Variants in EBF3 observed in about 807,000 individuals in gnomAD.
EBF3 encodes EBF transcription factor 3, also known as transcription factor COE3.
EBF3 carries 18 observed loss-of-function variants against 77.1 expected under a neutral mutation model. The observed-to-expected ratio is 0.23, with a 90% CI of 0.16 to 0.35. The LOEUF (loss-of-function observed/expected upper bound fraction) is 0.35, where lower values mean the gene tolerates loss of function less well. EBF3 is among the 10% of genes least tolerant of loss of function. The pLI is 1.00. For missense variants in EBF3, 558 were observed against 860.0 expected, an observed-to-expected ratio of 0.65 and a Z score of 4.39; for synonymous variants, 350 against 343.5, an observed-to-expected ratio of 1.02 and a Z score of -0.21.
intron 6 of EBF3, among the ~76,000 whole-genome samples, chr10:129,950,940 G>C (rs1858630112): frequency 6.6e-6 from 1 of 152,180 alleles, no homozygotes; most frequent in Non-Finnish European, 1.5e-5. Context: ...ATCACTTCCT[G>C]TCTGCAATGA....
intron 6 of EBF3, among the ~76,000 whole-genome samples, chr10:129,904,922 G>A (rs961769676): frequency 6.6e-6 from 1 of 152,228 alleles, no homozygotes; most frequent in Non-Finnish European, 1.5e-5. Flanking sequence ...GTAGGAAACA[G>A]ACACAAAATT....
At chr10:129,844,530 G>C (rs1268805891) in intron 11 of EBF3, among the ~76,000 whole-genome samples, 1 of 152,128 alleles carries the variant, frequency 6.6e-6, no homozygotes, top group Non-Finnish European at 1.5e-5. Context: ...AGAAGGCAAC[G>C]ACTGCCTTCC....
chr10:129,872,833 G>A (rs1852495136), intron 8 of EBF3, among the ~76,000 whole-genome samples: 1 of 152,112 alleles, frequency 6.6e-6, no homozygotes, highest in Non-Finnish European at 1.5e-5. Flanking sequence ...TCTGCATTCC[G>A]ACCTGATATC....
At chr10:129,902,593 C>T (rs1369516014) in intron 6 of EBF3, among the ~76,000 whole-genome samples, 1 of 152,156 alleles carries the variant, frequency 6.6e-6, no homozygotes, top group East Asian at 1.9e-4. Context: ...TTGCGTTTTT[C>T]AGTAACCACC....
chr10:129,858,944 G>T (rs1254466371), intron 10 of EBF3, among the ~76,000 whole-genome samples: 1 of 152,198 alleles, frequency 6.6e-6, no homozygotes, highest in African/African-American at 2.4e-5. Flanking sequence ...CACCAATGCT[G>T]ACCAAAATCT....
intron 6 of EBF3, among the ~76,000 whole-genome samples, chr10:129,886,452 C>T (rs941549395): frequency 6.6e-6 from 1 of 152,180 alleles, no homozygotes; most frequent in Non-Finnish European, 1.5e-5. Flanking sequence ...ATCCATTACT[C>T]GGAACAGCAC....
rs189655495 is a variant in EBF3, at chr10:129,893,242, A to G, written c.555-15393T>C. On this transcript the variant is annotated intron_variant, in intron 6 of 16. Coordinates refer to ENST00000440978, the MANE Select transcript of EBF3 (RefSeq NM_001375380.1). Reference sequence around the variant, plus strand: ...GAGTAAATAAAGATTGGCATTCACTATACTCCACTTGACAAGCCCCAGCCT... The same window carrying G: ...GAGTAAATAAAGATTGGCATTCACTGTACTCCACTTGACAAGCCCCAGCCT... Among the ~76,000 whole-genome samples, 568 of 152,350 alleles carry G rather than the reference A, an allele frequency of 3.7e-3. 14 individuals are homozygous for G. Among genetic ancestry groups the G allele is most frequent in the Admixed American group, 0.033 (500 of 15,308 alleles).
At chr10:129,939,733 G>A (rs1857600506) in intron 6 of EBF3, among the ~76,000 whole-genome samples, 1 of 152,194 alleles carries the variant, frequency 6.6e-6, no homozygotes, top group African/African-American at 2.4e-5. Context: ...GAATTCCCAC[G>A]TGGAACCAGA....
At chr10:129,954,139 C>T (rs1858869241) in intron 6 of EBF3, among the ~76,000 whole-genome samples, 1 of 152,194 alleles carries the variant, frequency 6.6e-6, no homozygotes, top group African/African-American at 2.4e-5. Context: ...TCTTCCTTTA[C>T]TTGCATTTGG....
At chr10:129,882,245 A>G (rs1233060123) in intron 6 of EBF3, among the ~76,000 whole-genome samples, 1 of 152,222 alleles carries the variant, frequency 6.6e-6, no homozygotes, top group Non-Finnish European at 1.5e-5. Flanking sequence ...TACATTATGA[A>G]CTGTTTAAAT....
At chr10:129,891,828 G>C (rs896429483) in intron 6 of EBF3, among the ~76,000 whole-genome samples, 2 of 152,200 alleles carry the variant, frequency 1.3e-5, no homozygotes, top group Non-Finnish European at 2.9e-5. Context: ...CGGCGTCTCT[G>C]AGGCCCTGGT....
At position 129,840,857 on chromosome 10, in the gene EBF3, G is replaced by A. The variant is rs1328163811; in HGVS notation, c.1548C>T (p.Asn516=). ...SPGFLNGSSA[N]SPYGIVPSSP... ...ACAGACACTTACTGCCGTAGGGAGAGTTAGCGGAGGAGCCATTAAGAAATC... is the reference window on the plus strand; with the variant it reads ...ACAGACACTTACTGCCGTAGGGAGAATTAGCGGAGGAGCCATTAAGAAATC... Residue 516 remains asparagine (N), a synonymous_variant, in exon 14 of 17, where the codon AAC becomes AAT. Coordinates refer to ENST00000440978, the MANE Select transcript of EBF3 (RefSeq NM_001375380.1). 5 of 1,613,586 alleles carry A rather than the reference G, an allele frequency of 3.1e-6. No individual in the cohort carries two copies. In the Admixed American group the frequency reaches 8.3e-5, roughly 27 times the overall value.
At chr10:129,838,268 C>CACACTGACCGGT (rs1294854305) in intron 16 of EBF3, among the ~76,000 whole-genome samples, 1 of 152,270 alleles carries the variant, frequency 6.6e-6, no homozygotes, top group Non-Finnish European at 1.5e-5. Context: ...GCAGCTTCCC[C>CACACTGACCGGT]ACACTGACCG....
intron 6 of EBF3, among the ~76,000 whole-genome samples, chr10:129,930,417 C>A (rs190987242): frequency 2.9e-5 from 4 of 138,680 alleles, no homozygotes; most frequent in African/African-American, 1.1e-4. Context: ...TATCTCTATA[C>A]TAACAAATCC....
At chr10:129,888,876 T>C (rs1282767217) in intron 6 of EBF3, among the ~76,000 whole-genome samples, 1 of 151,884 alleles carries the variant, frequency 6.6e-6, no homozygotes, top group Non-Finnish European at 1.5e-5. Context: ...GATTCTGCAA[T>C]TACAAAAAAA....
chr10:129,895,492 C>T (rs1048600480), intron 6 of EBF3, among the ~76,000 whole-genome samples: 4 of 152,210 alleles, frequency 2.6e-5, no homozygotes, highest in African/African-American at 4.8e-5. Flanking sequence ...GCTTCTCCTC[C>T]GAGTATGGGT....
In EBF3 at chr10:129,938,772, G is replaced by T. The variant is rs964104739; in HGVS notation, c.554+18486C>A. 6.6e-6 allele frequency among the ~76,000 whole-genome samples: 1 copy of T among 152,090 alleles called. No individual in the cohort carries two copies. The stretch of plus-strand genomic sequence containing the variant: ...AGTCAAGGCCATTGAGTCAATAGGG[G>T]CAAGATGTTACATGGGGGTCTTCGT... On this transcript the variant is annotated intron_variant, in intron 6 of 16. Coordinates refer to ENST00000440978, the MANE Select transcript of EBF3 (RefSeq NM_001375380.1). This position sits in a 1 kb window ranked among gnomAD's most constrained non-coding sequence, Gnocchi z 5.1.
Position 129,836,161 on chromosome 10 carries a change from GAAGT to G in EBF3, c.*1778_*1781del, listed in dbSNP as rs1296316797. On this transcript the variant is annotated 3_prime_UTR_variant, in exon 17 of 17. Coordinates refer to ENST00000440978, the MANE Select transcript of EBF3 (RefSeq NM_001375380.1). ...TGTTTTACACCATACATCTCCAAAT[GAAGT>G]ATTTATTAACAATTGTAGTGTAAGC... The G allele has an allele frequency of 6.6e-6, 1 of 152,634 alleles. No homozygotes were observed. Among genetic ancestry groups the G allele is most frequent in the Non-Finnish European group, 1.5e-5 (1 of 68,046 alleles). 9.5% of individuals were successfully genotyped at this position (152,634 alleles called of 1,614,324 possible).
chr10:129,937,665 C>T (rs368260331), intron 6 of EBF3, among the ~76,000 whole-genome samples: 8 of 152,256 alleles, frequency 5.3e-5, no homozygotes, highest in Non-Finnish European at 7.4e-5. Flanking sequence ...GCACCAGAGA[C>T]ACCGCTGGGG....
Sources: allele counts gnomAD v4.1 joint callset (sites outside exome capture counted in the v4.1 genomes callset), GRCh38; gene constraint gnomAD v4.1.1; non-coding constraint Gnocchi (gnomAD v3.1); transcripts MANE v1.5; gene names NCBI Gene and HGNC (gene_info 2026-07-23, HGNC 2026-07-21).